The following CSMD1 variants were observed in gnomAD, a reference collection of about 807,000 sequenced individuals.
CSMD1 encodes the protein CUB and sushi domain-containing protein 1.
A neutral mutation model predicts 417.5 loss-of-function variants in CSMD1; 213 were observed. That is an observed-to-expected ratio of 0.51 (90% CI 0.46 to 0.57). The LOEUF (loss-of-function observed/expected upper bound fraction) is 0.57. Ranked by LOEUF, CSMD1 falls within the 20% of genes least tolerant of loss-of-function variation. The probability of loss-of-function intolerance (pLI) is 0.00; values close to 1 mark genes in which losing one functional copy is unlikely to be tolerated. For missense variants in CSMD1, 6,923 were observed against 4,529.7 expected, an observed-to-expected ratio of 1.53 and a Z score of -15.17; for synonymous variants, 2,862 against 1,736.8, an observed-to-expected ratio of 1.65 and a Z score of -16.11.
At chr8:4,456,969 G>C (rs1372575981) in intron 2 of CSMD1, among the ~76,000 whole-genome samples, 1 of 113,358 alleles carries the variant, frequency 8.8e-6, no homozygotes, top group Non-Finnish European at 1.8e-5. Context: ...AGATTTTGAT[G>C]AGTGTGGTTT....
chr8:4,848,300 G>A (rs538548399), intron 1 of CSMD1, among the ~76,000 whole-genome samples: 2 of 152,292 alleles, frequency 1.3e-5, no homozygotes, highest in Admixed American at 6.5e-5. Context: ...CAGTTTTTGT[G>A]TGAATACAGT....
intron 5 of CSMD1, among the ~76,000 whole-genome samples, chr8:3,802,251 G>C (rs750570149): frequency 1.3e-5 from 2 of 152,070 alleles, no homozygotes; most frequent in Admixed American, 1.3e-4. Flanking sequence ...CATAAAATGA[G>C]TTTGGAACAT....
intron 12 of CSMD1, among the ~76,000 whole-genome samples, chr8:3,410,385 C>G (rs961582210): frequency 2.0e-5 from 3 of 152,200 alleles, no homozygotes; most frequent in Non-Finnish European, 4.4e-5. Flanking sequence ...GTGTCCCCAC[C>G]TAATTCTCAT....
intron 1 of CSMD1, among the ~76,000 whole-genome samples, chr8:4,957,338 G>A (rs1057293183): frequency 6.6e-6 from 1 of 152,190 alleles, no homozygotes; most frequent in Non-Finnish European, 1.5e-5. Context: ...TGCGTTGGCA[G>A]AGAAGAGCAC....
chr8:3,461,108 C>A (rs1816473128), intron 12 of CSMD1, among the ~76,000 whole-genome samples: 1 of 152,196 alleles, frequency 6.6e-6, no homozygotes, highest in South Asian at 2.1e-4. Flanking sequence ...TCAGGTCCCA[C>A]CATCAGATGC....
At chr8:3,672,124 T>C (rs1274864525) in intron 7 of CSMD1, among the ~76,000 whole-genome samples, 4 of 152,228 alleles carry the variant, frequency 2.6e-5, no homozygotes, top group African/African-American at 7.2e-5. Context: ...TTAGGTGCTG[T>C]CTACTTCCTC....
chr8:3,191,022 A>G (rs746949183), intron 33 of CSMD1, among the ~76,000 whole-genome samples: 76 of 152,204 alleles, frequency 5.0e-4, no homozygotes, highest in Non-Finnish European at 1.0e-3. Flanking sequence ...CTTACATAAA[A>G]TGAGTATGCC....
chr8:2,972,373 C>T (rs919074678), intron 57 of CSMD1, among the ~76,000 whole-genome samples: 7 of 152,114 alleles, frequency 4.6e-5, no homozygotes, highest in South Asian at 4.1e-4. Flanking sequence ...ATTTGTATAA[C>T]CTTTTTAGAC....
At chr8:3,363,828 G>C (rs1809368624) in intron 20 of CSMD1, among the ~76,000 whole-genome samples, 1 of 152,220 alleles carries the variant, frequency 6.6e-6, no homozygotes, top group African/African-American at 2.4e-5. Flanking sequence ...GAGTGGGAAA[G>C]TAAGTGTGGA....
At chr8:3,391,480 A>T (rs1387862991) in intron 17 of CSMD1, among the ~76,000 whole-genome samples, 1 of 152,240 alleles carries the variant, frequency 6.6e-6, no homozygotes, top group Non-Finnish European at 1.5e-5. Flanking sequence ...GCAGATGATC[A>T]TTCTGGAGCG....
intron 1 of CSMD1, among the ~76,000 whole-genome samples, chr8:4,792,926 TA>T: frequency 6.6e-6 from 1 of 151,936 alleles, no homozygotes; most frequent in Non-Finnish European, 1.5e-5. Flanking sequence ...TCAGTATGAT[TA>T]AAAAGGGATG....
Position 3,862,705 on chromosome 8 carries a change from T to C in CSMD1, c.819-108663A>G, listed in dbSNP as rs550141474. ...CTTTTCTATATAGGAATTCAAATGA[T>C]CTCCAAAACAACTGAGTAAGGGAGG... On this transcript the variant is annotated intron_variant, in intron 5 of 69. Transcript: ENST00000635120. Among the ~76,000 whole-genome samples the C allele has an allele frequency of 2.4e-4, 37 of 152,290 alleles. No individual in the cohort carries two copies. The South Asian group carries it at 7.7e-3, about 32-fold the overall frequency.
At chr8:4,493,256 A>C (rs955631981) in intron 2 of CSMD1, among the ~76,000 whole-genome samples, 1 of 152,174 alleles carries the variant, frequency 6.6e-6, no homozygotes, top group Non-Finnish European at 1.5e-5. Flanking sequence ...TGTCTTAACA[A>C]ATAATTGTCA....
At chr8:3,620,774 G>A (rs61125399) in intron 7 of CSMD1, among the ~76,000 whole-genome samples, 2,298 of 152,202 alleles carry the variant, frequency 0.015, 39 homozygotes, top group African/African-American at 0.04. Context: ...AAAGACATAT[G>A]AAAATTGAAT....
chr8:3,936,907 G>C (rs1414618532), intron 5 of CSMD1, among the ~76,000 whole-genome samples: 1 of 152,150 alleles, frequency 6.6e-6, no homozygotes, highest in Non-Finnish European at 1.5e-5. Context: ...CCATTCCAAT[G>C]ATATTAAGAA....
chr8:4,823,500 A>T (rs557223350), intron 1 of CSMD1, among the ~76,000 whole-genome samples: 1 of 152,044 alleles, frequency 6.6e-6, no homozygotes, highest in Non-Finnish European at 1.5e-5. Context: ...AATGCATATA[A>T]ACTCACTTGC....
intron 8 of CSMD1, among the ~76,000 whole-genome samples, chr8:3,597,836 G>T (rs138263663): frequency 6.6e-6 from 1 of 152,086 alleles, no homozygotes; most frequent in Admixed American, 6.5e-5. Context: ...GGGCCTGTCG[G>T]GGGGTTGGGG....
chr8:3,735,101 G>A (rs1796464714), intron 6 of CSMD1, among the ~76,000 whole-genome samples: 3 of 152,272 alleles, frequency 2.0e-5, no homozygotes, highest in East Asian at 1.9e-4. Flanking sequence ...TGTGAAACAG[G>A]TACATTTGCA....
chr8:4,772,133 G>A (rs1188820692), intron 1 of CSMD1, among the ~76,000 whole-genome samples: 3 of 152,042 alleles, frequency 2.0e-5, no homozygotes, highest in Non-Finnish European at 4.4e-5. Context: ...TCCACCGAGA[G>A]CAGAAGTCAG....
Sources: gnomAD v4.1 joint callset for allele counts (sites outside exome capture counted in the v4.1 genomes callset) on GRCh38, gnomAD v4.1.1 for gene constraint, MANE v1.5 for transcripts, NCBI Gene and HGNC (gene_info 2026-07-23, HGNC 2026-07-21) for gene names.